MEGF10: variants seen among roughly 807,000 people sequenced by gnomAD.
The protein encoded by MEGF10 is multiple EGF like domains 10.
Under a neutral mutation model 147.5 loss-of-function variants are expected in MEGF10, and 86 were observed. The ratio of observed to expected loss-of-function variants is 0.58; its 90% confidence interval spans 0.49 to 0.70. The LOEUF (loss-of-function observed/expected upper bound fraction) is 0.70, where lower values mean the gene tolerates loss of function less well. Among genes scored for constraint, MEGF10 ranks in the 30% least tolerant of loss-of-function variants. MEGF10 has a pLI of 0.00. For missense variants in MEGF10, 1,329 were observed against 1,487.3 expected, an observed-to-expected ratio of 0.89 and a Z score of 1.75; for synonymous variants, 478 against 525.5, an observed-to-expected ratio of 0.91 and a Z score of 1.24.
Position 127,311,692 on chromosome 5 carries a change from A to G in MEGF10, c.-18-19599A>G, listed in dbSNP as rs148628232. Among the ~76,000 whole-genome samples the G allele has an allele frequency of 3.3e-3, 508 of 152,322 alleles. 2 individuals carry two copies. In the Middle Eastern group the frequency reaches 0.061, roughly 18 times the overall value. On this transcript the variant is annotated intron_variant, in intron 1 of 24. Coordinates refer to ENST00000503335, the MANE Select transcript of MEGF10 (RefSeq NM_001256545.2). ...GAAGTTGAATGATGACATACTTCAT[A>G]AAGAGAACTCTTTTCAAATGAACTG...
intron 3 of MEGF10, among the ~76,000 whole-genome samples, chr5:127,340,251 C>T (rs947033055): frequency 5.3e-5 from 8 of 152,132 alleles, no homozygotes; most frequent in Middle Eastern, 3.4e-3. Context: ...TTAAAACATA[C>T]GTAAGTGAAT....
chr5:127,306,834 T>C (rs1173047695), intron 1 of MEGF10, among the ~76,000 whole-genome samples: 1 of 152,184 alleles, frequency 6.6e-6, no homozygotes, highest in African/African-American at 2.4e-5. Context: ...ATCTTAAAGG[T>C]ACTTTATGCT....
chr5:127,413,099 G>A (rs770443337), intron 9 of MEGF10, among the ~76,000 whole-genome samples: 23 of 152,086 alleles, frequency 1.5e-4, no homozygotes, highest in Non-Finnish European at 1.9e-4. Context: ...CCTCTCGATG[G>A]GAGGTGTTGC....
chr5:127,253,390 A>T, the MEGF10 span, among the ~76,000 whole-genome samples: 1 of 152,170 alleles, frequency 6.6e-6, no homozygotes, highest in East Asian at 1.9e-4. Flanking sequence ...GAGTATTCCT[A>T]TTCAAGTTGG....
chr5:127,281,075 G>T, the MEGF10 span, among the ~76,000 whole-genome samples: 1 of 152,168 alleles, frequency 6.6e-6, no homozygotes, highest in Non-Finnish European at 1.5e-5. Context: ...AGGGCTGAAG[G>T]CATTGACGGT....
intron 16 of MEGF10, among the ~76,000 whole-genome samples, chr5:127,436,120 A>G (rs1345745411): frequency 2.0e-5 from 3 of 152,224 alleles, no homozygotes; most frequent in Non-Finnish European, 4.4e-5. Context: ...AAAAAATAGC[A>G]TATGTATGGA....
At chr5:127,394,057 G>A (rs892738431) in intron 5 of MEGF10, among the ~76,000 whole-genome samples, 5 of 152,046 alleles carry the variant, frequency 3.3e-5, no homozygotes, top group African/African-American at 9.7e-5. Context: ...GGAAAATTCT[G>A]TAATAACCCA....
Position 127,435,354 on chromosome 5 carries a change from T to G in MEGF10, c.1976-7T>G, listed in dbSNP as rs765540403. ...TTGTGAGTTACTGACCTATAGCTTA[T>G]TCACAGTGTGTCCCAGTGGCAGATT... On this transcript the variant is annotated splice_polypyrimidine_tract_variant and splice_region_variant and intron_variant, in intron 15 of 24. Coordinates refer to ENST00000503335, the MANE Select transcript of MEGF10 (RefSeq NM_001256545.2). 7.2e-5 allele frequency: 116 copies of G among 1,613,694 alleles called. 4 individuals are homozygous for G. In the South Asian group the frequency reaches 1.2e-3, roughly 17 times the overall value.
At chr5:127,268,803 C>G in the MEGF10 span, among the ~76,000 whole-genome samples, 2 of 152,248 alleles carry the variant, frequency 1.3e-5, no homozygotes, top group African/African-American at 4.8e-5. Flanking sequence ...AGGTGGGTCC[C>G]TGACCTCTGA....
chr5:127,318,344 A>T (rs1760647531), intron 1 of MEGF10, among the ~76,000 whole-genome samples: 1 of 152,234 alleles, frequency 6.6e-6, no homozygotes, highest in Non-Finnish European at 1.5e-5. Flanking sequence ...TACAGTAAAA[A>T]GTCAAACTGA....
At position 127,433,457 on chromosome 5, in the gene MEGF10, T is replaced by A; in HGVS notation, c.1788T>A (p.Asp596Glu). The change falls in exon 14 of 25, where the codon GAT becomes GAA. Residue 596 changes from aspartate (D) to glutamate (E), a missense_variant. Coordinates refer to ENST00000503335, the MANE Select transcript of MEGF10 (RefSeq NM_001256545.2). The stretch of plus-strand genomic sequence containing the variant: ...AAAATGGGGCTTCATGCTCCCCTGA[T>A]GATGGCATCTGCGAGTGTGCACCAG... ...YCKNGASCSPDDGICECAPGF... is the reference protein window; with the variant it reads ...YCKNGASCSPEDGICECAPGF... The A allele has an allele frequency of 1.2e-6, 2 of 1,613,934 alleles. No individual in the cohort carries two copies. The highest frequency in any genetic ancestry group is 1.7e-6 in the Non-Finnish European group (2 of 1,179,918).
In MEGF10 at chr5:127,458,845, C is replaced by G. The variant is rs1766462088; in HGVS notation, c.*1527C>G. On this transcript the variant is annotated 3_prime_UTR_variant, in exon 25 of 25. Transcript: ENST00000503335. ...TATGGTGATCATAGAATTGACCATC[C>G]AAACTGGGACACTCTTGAGAGTAAA... The G allele has an allele frequency of 6.6e-6, 1 of 152,064 alleles. No individual in the cohort carries two copies. Among genetic ancestry groups the G allele is most frequent in the Non-Finnish European group, 1.5e-5 (1 of 68,018 alleles). 9.4% of individuals were successfully genotyped at this position (152,064 alleles called of 1,614,324 possible).
At chr5:127,390,067 G>A (rs532691142) in intron 5 of MEGF10, among the ~76,000 whole-genome samples, 1 of 152,178 alleles carries the variant, frequency 6.6e-6, no homozygotes, top group South Asian at 2.1e-4. Context: ...AGAAAACCTG[G>A]TTAAACCAAA....
the MEGF10 span, among the ~76,000 whole-genome samples, chr5:127,277,466 T>A: frequency 3.9e-5 from 6 of 152,130 alleles, no homozygotes; most frequent in Non-Finnish European, 8.8e-5. Context: ...CCAAGAAACC[T>A]CCTGCTTACA....
chr5:127,438,604 C>T (rs1218442742), intron 17 of MEGF10, 37 bp downstream of exon 17: 1 of 1,608,468 alleles, frequency 6.2e-7, no homozygotes, highest in Non-Finnish European at 8.5e-7. Context: ...CCAAGGGGAG[C>T]CTTGTCCAAG....
chr5:127,438,641 C>T (rs1447106318), intron 17 of MEGF10, 74 bp downstream of exon 17: 71 of 1,522,520 alleles, frequency 4.7e-5, no homozygotes, highest in Non-Finnish European at 5.6e-5. Flanking sequence ...CCTCCGCATG[C>T]GTGACTGGAG....
At chr5:127,263,648 G>A in the MEGF10 span, among the ~76,000 whole-genome samples, 1 of 152,046 alleles carries the variant, frequency 6.6e-6, no homozygotes, top group Non-Finnish European at 1.5e-5. Context: ...CATTTGAATT[G>A]ATTAATCTGA....
intron 1 of MEGF10, among the ~76,000 whole-genome samples, chr5:127,319,202 A>G (rs572021765): frequency 6.6e-6 from 1 of 151,892 alleles, no homozygotes; most frequent in Non-Finnish European, 1.5e-5. Flanking sequence ...CAGCCTCCCA[A>G]ATAGCTGGGA....
At chr5:127,436,940 G>T (rs1490496758) in intron 16 of MEGF10, among the ~76,000 whole-genome samples, 1 of 152,210 alleles carries the variant, frequency 6.6e-6, no homozygotes, top group Non-Finnish European at 1.5e-5. Context: ...AAAGGGGCAG[G>T]TGTCCTTGGG....
Sources: allele counts gnomAD v4.1 joint callset (sites outside exome capture counted in the v4.1 genomes callset), GRCh38; gene constraint gnomAD v4.1.1; transcripts MANE v1.5; gene names NCBI Gene and HGNC (gene_info 2026-07-23, HGNC 2026-07-21).